Variants in RBM14 observed in about 807,000 individuals in gnomAD.
RBM14 encodes the protein RNA binding motif protein 14.
Under a neutral mutation model 52.8 loss-of-function variants are expected in RBM14, and 5 were observed. The ratio of observed to expected loss-of-function variants is 0.09; its 90% CI spans 0.05 to 0.20. RBM14 has a LOEUF of 0.20. Ranked by LOEUF, RBM14 falls within the 10% of genes least tolerant of loss-of-function variation. The probability of loss-of-function intolerance (pLI) is 1.00; values close to 1 mark genes in which losing one functional copy is unlikely to be tolerated. For synonymous variants in RBM14, 411 were observed against 401.8 expected, an observed-to-expected ratio of 1.02 and a Z score of -0.28; for missense variants, 780 against 926.6, an observed-to-expected ratio of 0.84 and a Z score of 2.05.
chr11:66,619,550 G>A (rs1361268864), intron 1 of RBM14: 1 of 151,672 alleles, frequency 6.6e-6, no homozygotes, highest in East Asian at 1.9e-4. Flanking sequence ...GTAGTTTCAA[G>A]TTTAAGATTT....
Position 66,626,859 on chromosome 11 carries a change from C to T in RBM14, c.*191C>T. 1 of 586,050 alleles carries T rather than the reference C, an allele frequency of 1.7e-6. No individual in the cohort carries two copies. Among genetic ancestry groups the T allele is most frequent in the South Asian group, 2.4e-5 (1 of 40,982 alleles). 36.3% of individuals were successfully genotyped at this position (586,050 alleles called of 1,614,324 possible). ...AGTAACCTACTTTGTTCCTTCGCCTCAGCAGCAAATCTTGCTACTGGCTCT... is the reference window on the plus strand; with the variant it reads ...AGTAACCTACTTTGTTCCTTCGCCTTAGCAGCAAATCTTGCTACTGGCTCT... On this transcript the variant is annotated 3_prime_UTR_variant, in exon 3 of 3. Transcript: ENST00000310137.
At position 66,624,471 on chromosome 11, in the gene RBM14, G is replaced by A. The variant is rs1305872195; in HGVS notation, c.595G>A (p.Asp199Asn). The A allele has an allele frequency of 1.9e-6, 3 of 1,613,584 alleles. No homozygotes were observed. Among genetic ancestry groups the A allele is most frequent in the South Asian group, 1.1e-5 (1 of 91,084 alleles). Residue 199 changes from aspartate (D) to asparagine (N), a missense_variant, in exon 2 of 3, where the codon GAT (aspartate) becomes AAT (asparagine). Transcript: ENST00000310137. This position sits in a 1 kb window ranked among gnomAD's most constrained non-coding sequence, Gnocchi z 4.7. ...QAFGNSTGGFDGQARQPTPPF... is the reference protein window; with the variant it reads ...QAFGNSTGGFNGQARQPTPPF... The stretch of plus-strand genomic sequence containing the variant: ...TTTTGGCAACAGCACTGGTGGCTTT[G>A]ATGGGCAAGCCCGTCAGCCCACACC...
intron 1 of RBM14, chr11:66,621,080 A>G (rs1387549475): frequency 6.6e-6 from 1 of 151,924 alleles, no homozygotes; most frequent in Non-Finnish European, 1.5e-5. Context: ...ATTGTGGCTC[A>G]CTGTAGTCTT....
At chr11:66,620,302 T>C (rs1347556380) in intron 1 of RBM14, among the ~76,000 whole-genome samples, 4 of 152,058 alleles carry the variant, frequency 2.6e-5, no homozygotes, top group Non-Finnish European at 5.9e-5. Context: ...TTATGTTATT[T>C]ATATATTTAT....
chr11:66,616,719 A>C lies in RBM14; in HGVS notation c.-2A>C, dbSNP rs767273243. On this transcript the variant is annotated 5_prime_UTR_variant, in exon 1 of 3. Transcript: ENST00000310137. ...CTCCAGGAAGGTGGCTGCGGCGACAAAATGAAGATATTCGTGGGCAACGTC... is the reference window on the plus strand; with the variant it reads ...CTCCAGGAAGGTGGCTGCGGCGACACAATGAAGATATTCGTGGGCAACGTC... The C allele has an allele frequency of 8.8e-6, 14 of 1,589,572 alleles. No homozygotes were observed. Among genetic ancestry groups the C allele is most frequent in the Non-Finnish European group, 1.2e-5 (14 of 1,162,644 alleles).
At chr11:66,619,173 A>C (rs1858981211) in intron 1 of RBM14, 1 of 152,326 alleles carries the variant, frequency 6.6e-6, no homozygotes. Flanking sequence ...TGGCTCTCTA[A>C]AGAGCGTACT....
Position 66,625,097 on chromosome 11 carries a change from G to A in RBM14, c.1221G>A (p.Ser407=), listed in dbSNP as rs930329229. ...CAGCTTCATATAATGCCCAGCCCTC[G>A]GCCTCTTACAATGCCCAGTCTGCCC... is the stretch of plus-strand genomic sequence containing the variant. The part of the protein sequence containing the change: ...AQAASYNAQP[S]ASYNAQSAPY... Residue 407 remains serine (S), a synonymous_variant, in exon 2 of 3, where the codon TCG becomes TCA. Transcript: ENST00000310137. This position sits in a 1 kb window ranked among gnomAD's most constrained non-coding sequence, Gnocchi z 4.2. 9.9e-6 allele frequency: 16 copies of A among 1,613,042 alleles called. No homozygotes were observed. The highest frequency in any genetic ancestry group is 4.5e-5 in the East Asian group (2 of 44,856).
chr11:66,626,538 C>G lies in RBM14; in HGVS notation c.1880C>G (p.Ser627Trp). Residue 627 changes from serine (S) to tryptophan (W), a missense_variant, in exon 3 of 3, where the codon TCG becomes TGG. By Grantham distance (177) the Ser-to-Trp change is radical. Around this residue, in one of 4 missense-constraint regions of RBM14, gnomAD observed 675 missense variants for 697.3 expected, o/e 0.97. Coordinates refer to ENST00000310137, the MANE Select transcript of RBM14 (RefSeq NM_006328.4). ...GAGTCGCAGCTTTCGTTCCGCCGCTCGCCGACAAAGTCCTCGCTGGATTAC... is the reference window on the plus strand; with the variant it reads ...GAGTCGCAGCTTTCGTTCCGCCGCTGGCCGACAAAGTCCTCGCTGGATTAC... ...LSESQLSFRRSPTKSSLDYRR... is the reference protein window; with the variant it reads ...LSESQLSFRRWPTKSSLDYRR... 2 of 1,614,010 alleles carry G rather than the reference C, an allele frequency of 1.2e-6. No homozygotes were observed. The highest frequency in any genetic ancestry group is 1.7e-6 in the Non-Finnish European group (2 of 1,180,042).
At position 66,621,385 on chromosome 11, in the gene RBM14, T is replaced by C. The variant is rs1859103754; in HGVS notation, c.338-2829T>C. Among the ~76,000 whole-genome samples the C allele has an allele frequency of 2.0e-5, 3 of 151,838 alleles. 1 individual carries two copies. Among genetic ancestry groups the C allele is most frequent in the South Asian group, 4.1e-4 (2 of 4,828 alleles). On this transcript the variant is annotated intron_variant, in intron 1 of 2. Transcript: ENST00000310137. ...AGTTGTGATAATTCATTTTGTTCTT[T>C]TTTTTTTTTGAGAGGGAGTTTCATC...
chr11:66,617,076 C>A lies in RBM14; in HGVS notation c.337+19C>A. 1 of 1,549,242 alleles carries A rather than the reference C, an allele frequency of 6.5e-7. No homozygotes were observed. The highest frequency in any genetic ancestry group is 1.2e-5 in the South Asian group (1 of 82,814). On this transcript the variant is annotated intron_variant, in intron 1 of 2. Coordinates refer to ENST00000310137, the MANE Select transcript of RBM14 (RefSeq NM_006328.4). ...GTGAAAGGTAACGCGGAGGCGCGCTCGGGGGCGGGGGCGCGCTCGGGGCAC... is the reference window on the plus strand; with the variant it reads ...GTGAAAGGTAACGCGGAGGCGCGCTAGGGGGCGGGGGCGCGCTCGGGGCAC...
In RBM14 at chr11:66,625,716, C is replaced by A; in HGVS notation, c.1802+38C>A. On this transcript the variant is annotated intron_variant, in intron 2 of 2. Coordinates refer to ENST00000310137, the MANE Select transcript of RBM14 (RefSeq NM_006328.4). This position sits in a 1 kb window ranked among gnomAD's most constrained non-coding sequence, Gnocchi z 4.2. ...CCCCCGCCTCTGCCCCCAGCTGGGG[C>A]TTAGGGCAAGGGGCTGAGGTTGGCA... 2 of 1,496,092 alleles carry A rather than the reference C, an allele frequency of 1.3e-6. No individual in the cohort carries two copies. The highest frequency in any genetic ancestry group is 1.8e-6 in the Non-Finnish European group (2 of 1,102,102). 92.7% of individuals were successfully genotyped at this position (1,496,092 alleles called of 1,614,324 possible). A position where few individuals can be genotyped will look rare whatever the true frequency, so the allele number is the denominator to read the frequency against.
In RBM14 at chr11:66,628,375, G is replaced by A. The variant is rs1421409983; in HGVS notation, c.*1707G>A. On this transcript the variant is annotated 3_prime_UTR_variant, in exon 3 of 3. Coordinates refer to ENST00000310137, the MANE Select transcript of RBM14 (RefSeq NM_006328.4). Reference sequence around the variant, plus strand: ...GTACGTGTTAGTCAAGTGGAGGTCAGGTGGGTTATCTTCTGCCTCCTTCAC... The same window carrying A: ...GTACGTGTTAGTCAAGTGGAGGTCAAGTGGGTTATCTTCTGCCTCCTTCAC... Among the ~76,000 whole-genome samples the A allele has an allele frequency of 6.6e-6, 1 of 152,188 alleles. No homozygotes were observed. The highest frequency in any genetic ancestry group is 2.4e-5 in the African/African-American group (1 of 41,454).
At position 66,625,459 on chromosome 11, in the gene RBM14, A is replaced by G. The variant is rs149709196; in HGVS notation, c.1583A>G (p.Tyr528Cys). The G allele has an allele frequency of 6.9e-5, 111 of 1,613,174 alleles. No homozygotes were observed. Among genetic ancestry groups the G allele is most frequent in the Middle Eastern group, 1.7e-4 (1 of 5,964 alleles). ...TCATCAGCCTCATTGGCTGCTTCCTATGCTGCCCAGCAGCATCCCCAGGCT... is the reference window on the plus strand; with the variant it reads ...TCATCAGCCTCATTGGCTGCTTCCTGTGCTGCCCAGCAGCATCCCCAGGCT... ...TQSSASLAAS[Y>C]AAQQHPQAAA... The change falls in exon 2 of 3, where the codon TAT (tyrosine) becomes TGT (cysteine). Residue 528 changes from tyrosine (Y) to cysteine (C), a missense_variant. Tyr to Cys is a radical substitution (Grantham distance 194). Around this residue, in one of 4 missense-constraint regions of RBM14, gnomAD observed 675 missense variants for 697.3 expected, o/e 0.97. Transcript: ENST00000310137. This position sits in a 1 kb window ranked among gnomAD's most constrained non-coding sequence, Gnocchi z 4.2.
At position 66,625,659 on chromosome 11, in the gene RBM14, G is replaced by A. The variant is rs756939247; in HGVS notation, c.1783G>A (p.Ala595Thr). Residue 595 changes from alanine to threonine, a missense_variant, in exon 2 of 3, where the codon GCT becomes ACT. Coordinates refer to ENST00000310137, the MANE Select transcript of RBM14 (RefSeq NM_006328.4). The surrounding 1 kb of genome is among the most constrained non-coding windows in gnomAD (Gnocchi z 4.2). ...CAGCTACGACGATCCCTACAAAAAG[G>A]CTGTCGCCATGTCGAAAAGGTACTG... Reference protein sequence around the residue: ...RASYDDPYKKAVAMSKRYGSD... With the variant: ...RASYDDPYKKTVAMSKRYGSD... 1.9e-6 allele frequency: 3 copies of A among 1,611,422 alleles called. No individual in the cohort carries two copies. Among genetic ancestry groups the A allele is most frequent in the African/African-American group, 2.7e-5 (2 of 75,052 alleles).
intron 1 of RBM14, among the ~76,000 whole-genome samples, chr11:66,622,234 CTTT>C (rs377533228): frequency 2.8e-5 from 4 of 140,520 alleles, no homozygotes; most frequent in Admixed American, 7.2e-5. Context: ...TTCTTTTTTT[CTTT>C]TTTTTTTTTT....
chr11:66,624,578 A>G lies in RBM14; in HGVS notation c.702A>G (p.Pro234=), dbSNP rs534627685. Residue 234 remains proline, a synonymous_variant, in exon 2 of 3, where the codon CCA becomes CCG. Coordinates refer to ENST00000310137, the MANE Select transcript of RBM14 (RefSeq NM_006328.4). The surrounding 1 kb of genome is among the most constrained non-coding windows in gnomAD (Gnocchi z 4.7). ...ASYVAPLTAQ[P]ATYRAQPSVS... ...ATGTGGCTCCTCTGACGGCCCAGCC[A>G]GCTACCTACCGGGCCCAGCCGTCCG... 6.2e-7 allele frequency: 1 copy of G among 1,612,294 alleles called. No individual in the cohort carries two copies. The highest frequency in any genetic ancestry group is 1.1e-5 in the South Asian group (1 of 91,076).
In RBM14 at chr11:66,627,870, G is replaced by A. The variant is rs1937886368; in HGVS notation, c.*1202G>A. Among the ~76,000 whole-genome samples the A allele has an allele frequency of 6.6e-6, 1 of 152,128 alleles. No homozygotes were observed. The highest frequency in any genetic ancestry group is 1.5e-5 in the Non-Finnish European group (1 of 68,020). ...ACTGCCCTATGGTTGGAATAAGGAAGGGCAGAGAAAACTTGAAGCAGGTAT... is the reference window on the plus strand; with the variant it reads ...ACTGCCCTATGGTTGGAATAAGGAAAGGCAGAGAAAACTTGAAGCAGGTAT... On this transcript the variant is annotated 3_prime_UTR_variant, in exon 3 of 3. Transcript: ENST00000310137.
chr11:66,625,576 C>A lies in RBM14; in HGVS notation c.1700C>A (p.Ala567Asp). ...AYLSMSQGAV[A>D]NANSTPPPYE... ...CTGTCCATGTCCCAGGGGGCCGTTGCCAACGCCAACAGCACCCCGCCGCCC... is the reference window on the plus strand; with the variant it reads ...CTGTCCATGTCCCAGGGGGCCGTTGACAACGCCAACAGCACCCCGCCGCCC... The change falls in exon 2 of 3, where the codon GCC becomes GAC. Residue 567 changes from alanine (A) to aspartate (D), a missense_variant. By Grantham distance (126) the Ala-to-Asp change is moderately radical. This residue lies in a region of RBM14 where 675 missense variants were observed against 697.3 expected (regional missense o/e 0.97). Transcript: ENST00000310137. The surrounding 1 kb of genome is among the most constrained non-coding windows in gnomAD (Gnocchi z 4.2). The A allele has an allele frequency of 6.2e-7, 1 of 1,611,850 alleles. No individual in the cohort carries two copies. The highest frequency in any genetic ancestry group is 8.5e-7 in the Non-Finnish European group (1 of 1,179,714).
In RBM14 at chr11:66,625,530, G is replaced by C. The variant is rs991046936; in HGVS notation, c.1654G>C (p.Gly552Arg). 2.5e-6 allele frequency: 4 copies of C among 1,612,636 alleles called. No homozygotes were observed. The highest frequency in any genetic ancestry group is 3.4e-6 in the Non-Finnish European group (4 of 1,179,566). The change falls in exon 2 of 3, where the codon GGT (glycine) becomes CGT (arginine). Residue 552 changes from glycine (G) to arginine (R), a missense_variant. Physicochemically the swap from Gly to Arg is moderately radical, Grantham distance 125. Transcript: ENST00000310137. The surrounding 1 kb of genome is among the most constrained non-coding windows in gnomAD (Gnocchi z 4.2). ...GCCAGGCAATGCCTACGATGGGGCA[G>C]GTCAGCCGTCTGCAGCCTACCTGTC... Reference protein sequence around the residue: ...GQPGNAYDGAGQPSAAYLSMS... With the variant: ...GQPGNAYDGARQPSAAYLSMS...
Sources: gnomAD v4.1 joint callset for allele counts (sites outside exome capture counted in the v4.1 genomes callset) on GRCh38, gnomAD v4.1.1 for gene constraint, gnomAD v4.1.1 regional missense constraint, Gnocchi (gnomAD v3.1) non-coding constraint, MANE v1.5 for transcripts, NCBI Gene and HGNC (gene_info 2026-07-23, HGNC 2026-07-21) for gene names.